The following FHIT variants were observed in gnomAD, a reference collection of about 807,000 sequenced individuals.
The protein encoded by FHIT is bis(5'-adenosyl)-triphosphatase.
FHIT carries 19 observed loss-of-function variants against 17.9 expected under a neutral mutation model. That is an observed-to-expected ratio of 1.06 (90% CI 0.74 to 1.56). The LOEUF (loss-of-function observed/expected upper bound fraction) is 1.56, where lower values mean the gene tolerates loss of function less well. Ranked by LOEUF, FHIT falls within the 40% of genes most tolerant of loss-of-function variation. The pLI is 0.00. For synonymous variants in FHIT, 81 were observed against 69.7 expected, an observed-to-expected ratio of 1.16 and a Z score of -0.81; for missense variants, 248 against 189.2, an observed-to-expected ratio of 1.31 and a Z score of -1.82.
intron 4 of FHIT, among the ~76,000 whole-genome samples, chr3:60,738,136 C>T (rs1292051417): frequency 6.6e-6 from 1 of 152,096 alleles, no homozygotes; most frequent in Non-Finnish European, 1.5e-5. Context: ...AGGAGGAGAA[C>T]ATGTGATGTG....
At chr3:60,625,882 T>G (rs1463365280) in intron 4 of FHIT, among the ~76,000 whole-genome samples, 2 of 152,212 alleles carry the variant, frequency 1.3e-5, no homozygotes, top group Non-Finnish European at 2.9e-5. Context: ...AGCTTTTACA[T>G]TTGAGGCCAA....
chr3:60,779,514 C>A (rs1388497081), intron 4 of FHIT, among the ~76,000 whole-genome samples: 2 of 152,100 alleles, frequency 1.3e-5, no homozygotes, highest in Non-Finnish European at 2.9e-5. Context: ...GTGAACTAAC[C>A]AAAGCCAAGC....
intron 2 of FHIT, among the ~76,000 whole-genome samples, chr3:61,159,880 C>T (rs972261227): frequency 3.3e-5 from 5 of 152,124 alleles, no homozygotes; most frequent in Admixed American, 2.6e-4. Flanking sequence ...AAATCATGTG[C>T]AAAATGGGAT....
chr3:60,358,769 C>A (rs997342650), intron 5 of FHIT, among the ~76,000 whole-genome samples: 16 of 152,284 alleles, frequency 1.1e-4, no homozygotes, highest in African/African-American at 3.4e-4. Flanking sequence ...GCCAGGTGAA[C>A]TGGGTTATAA....
chr3:60,244,354 AT>A (rs1705284648), intron 5 of FHIT, among the ~76,000 whole-genome samples: 1 of 151,992 alleles, frequency 6.6e-6, no homozygotes, highest in Non-Finnish European at 1.5e-5. Flanking sequence ...AGGTCACACA[AT>A]TGTCACTTTC....
At chr3:61,213,052 T>C (rs1439851890) in intron 1 of FHIT, among the ~76,000 whole-genome samples, 3 of 152,296 alleles carry the variant, frequency 2.0e-5, no homozygotes, top group East Asian at 3.9e-4. Flanking sequence ...TGCAAAATCA[T>C]GCCAAATTGT....
At chr3:59,799,434 AAACTCCCC>A (rs1699907914) in intron 8 of FHIT, among the ~76,000 whole-genome samples, 1 of 152,186 alleles carries the variant, frequency 6.6e-6, no homozygotes, top group Admixed American at 6.5e-5. Context: ...GAAGGCCCTG[AAACTCCCC>A]TAACAGGGAT....
At chr3:61,018,250 T>A (rs1008210370) in intron 3 of FHIT, among the ~76,000 whole-genome samples, 12 of 152,298 alleles carry the variant, frequency 7.9e-5, no homozygotes, top group East Asian at 1.9e-4. Flanking sequence ...CCTTAATCAA[T>A]GCAACACTAA....
chr3:60,097,189 T>G (rs1240826585), intron 5 of FHIT, among the ~76,000 whole-genome samples: 1 of 152,026 alleles, frequency 6.6e-6, no homozygotes, highest in Admixed American at 6.6e-5. Context: ...CAACTTGGAC[T>G]GGCAATTTAT....
chr3:60,391,475 G>T (rs1701231523), intron 5 of FHIT, among the ~76,000 whole-genome samples: 1 of 152,094 alleles, frequency 6.6e-6, no homozygotes, highest in South Asian at 2.1e-4. Flanking sequence ...CCCTTCACAT[G>T]CACTCATCAC....
intron 2 of FHIT, among the ~76,000 whole-genome samples, chr3:61,122,054 C>T (rs1047093737): frequency 2.8e-4 from 43 of 152,134 alleles, no homozygotes; most frequent in African/African-American, 9.9e-4. Flanking sequence ...CAAGACAATC[C>T]TAAGCCAAAA....
At chr3:61,135,549 T>C (rs1312343289) in intron 2 of FHIT, among the ~76,000 whole-genome samples, 1 of 151,920 alleles carries the variant, frequency 6.6e-6, no homozygotes, top group Non-Finnish European at 1.5e-5. Context: ...TTTAAGTGTA[T>C]GTCAATAACC....
At chr3:60,355,080 AAAG>A (rs1446795325) in intron 5 of FHIT, among the ~76,000 whole-genome samples, 10 of 152,334 alleles carry the variant, frequency 6.6e-5, no homozygotes, top group African/African-American at 1.2e-4. Flanking sequence ...CAGTCAAACA[AAAG>A]AAGGGTAAAT....
At chr3:60,368,387 A>C (rs1466039945) in intron 5 of FHIT, among the ~76,000 whole-genome samples, 1 of 152,008 alleles carries the variant, frequency 6.6e-6, no homozygotes, top group Non-Finnish European at 1.5e-5. Context: ...CATGATAAAT[A>C]ATGATATTGA....
At chr3:60,544,359 TA>T (rs199865423) in intron 4 of FHIT, among the ~76,000 whole-genome samples, 3 of 151,872 alleles carry the variant, frequency 2.0e-5, no homozygotes, top group Admixed American at 6.6e-5. Context: ...TACCTTTTTT[TA>T]AAAAAAATTG....
intron 4 of FHIT, among the ~76,000 whole-genome samples, chr3:60,747,239 T>C (rs1261609473): frequency 2.0e-5 from 3 of 152,226 alleles, no homozygotes; most frequent in African/African-American, 7.2e-5. Context: ...TGGAATTGTC[T>C]AATTCCTGCC....
chr3:60,240,881 T>C (rs182201991), intron 5 of FHIT, among the ~76,000 whole-genome samples: 175 of 152,232 alleles, frequency 1.1e-3, no homozygotes, highest in South Asian at 2.5e-3. Flanking sequence ...AATAAATCAT[T>C]TCTTCTGGAG....
intron 7 of FHIT, among the ~76,000 whole-genome samples, chr3:59,942,624 T>C (rs920344384): frequency 6.6e-6 from 1 of 152,132 alleles, no homozygotes; most frequent in Non-Finnish European, 1.5e-5. Flanking sequence ...CTCCCATACT[T>C]AGCTGTCTGG....
At chr3:60,287,462 C>T (rs1051797716) in intron 5 of FHIT, among the ~76,000 whole-genome samples, 1 of 152,204 alleles carries the variant, frequency 6.6e-6, no homozygotes, top group Non-Finnish European at 1.5e-5. Context: ...AGCCACCACA[C>T]CCAGCCAAAA....
Sources: allele counts gnomAD v4.1 joint callset (sites outside exome capture counted in the v4.1 genomes callset), GRCh38; gene constraint gnomAD v4.1.1; transcripts MANE v1.5; gene names NCBI Gene and HGNC (gene_info 2026-07-23, HGNC 2026-07-21).